SNTG2: variants seen among roughly 807,000 people sequenced by gnomAD.
The protein encoded by SNTG2 is syntrophin gamma 2, also known as gamma-2-syntrophin.
Under a neutral mutation model 70.9 loss-of-function variants are expected in SNTG2, and 74 were observed. The ratio of observed to expected loss-of-function variants is 1.04; its 90% CI spans 0.86 to 1.27. SNTG2 has a LOEUF of 1.27. Ranked by LOEUF, SNTG2 falls within the 50% of genes most tolerant of loss-of-function variation. The pLI is 0.00. For synonymous variants in SNTG2, 278 were observed against 273.8 expected, an observed-to-expected ratio of 1.02 and a Z score of -0.15; for missense variants, 717 against 690.7, an observed-to-expected ratio of 1.04 and a Z score of -0.43.
rs1201483236 is a variant in SNTG2 at position 1,237,949 on chromosome 2, A to G, written c.781A>G (p.Thr261Ala). The G allele has an allele frequency of 3.1e-6, 5 of 1,609,224 alleles. No individual in the cohort carries two copies. The African/African-American group carries it at 6.7e-5, about 22-fold the overall frequency. The part of the protein sequence containing the change: ...GVSSGILRFY[T>A]AQDGTDWLRA... ...CAGCTCTGGGATCCTCCGGTTTTAC[A>G]CAGCCCAGGATGGCACCGACTGGCT... The change falls in exon 10 of 17, where the codon ACA (threonine) becomes GCA (alanine). Residue 261 changes from threonine to alanine, a missense_variant. Physicochemically the swap from Thr to Ala is moderately conservative, Grantham distance 58. Coordinates refer to ENST00000308624, the MANE Select transcript of SNTG2 (RefSeq NM_018968.4).
chr2:1,239,634 T>A, intron 10 of SNTG2, 104 bp from the exon 11 acceptor site: 1 of 1,216,664 alleles, frequency 8.2e-7, no homozygotes. Context: ...TAAAGAGGCC[T>A]GTTTCCCAGG....
intron 1 of SNTG2, among the ~76,000 whole-genome samples, chr2:1,080,118 A>G (rs144246245): frequency 1.6e-4 from 25 of 152,302 alleles, no homozygotes; most frequent in African/African-American, 5.1e-4. Flanking sequence ...GTCCTGGGCA[A>G]TGGTGTGGCT....
At position 959,785 on chromosome 2, in the gene SNTG2, C is replaced by A. The variant is rs187468424; in HGVS notation, c.72+8717C>A. 2.4e-4 allele frequency among the ~76,000 whole-genome samples: 36 copies of A among 151,318 alleles called. No individual in the cohort carries two copies. In the East Asian group the frequency reaches 7.0e-3, roughly 29 times the overall value. On this transcript the variant is annotated intron_variant, in intron 1 of 16. Coordinates refer to ENST00000308624, the MANE Select transcript of SNTG2 (RefSeq NM_018968.4). The stretch of plus-strand genomic sequence containing the variant: ...GTGATTTGAATCTTCCTATCCCCTT[C>A]TTTGGAGTAAATACATTTCCTTTAT...
At chr2:990,564 A>G (rs897312948) in intron 1 of SNTG2, among the ~76,000 whole-genome samples, 6 of 152,140 alleles carry the variant, frequency 3.9e-5, no homozygotes, top group African/African-American at 1.4e-4. Flanking sequence ...ATAATCTCCC[A>G]AAGACCCCAC....
intron 9 of SNTG2, among the ~76,000 whole-genome samples, chr2:1,226,311 C>G (rs111987665): frequency 6.6e-6 from 1 of 152,200 alleles, no homozygotes; most frequent in African/African-American, 2.4e-5. Context: ...TTCTCAAAAA[C>G]GGGATGATTG....
chr2:1,286,061 A>T (rs906461788), intron 14 of SNTG2, among the ~76,000 whole-genome samples: 4 of 152,224 alleles, frequency 2.6e-5, no homozygotes, highest in Admixed American at 2.0e-4. Flanking sequence ...TAAAGTTAGG[A>T]GAAGCCCAAA....
intron 4 of SNTG2, among the ~76,000 whole-genome samples, chr2:1,103,242 T>C (rs1397864164): frequency 6.6e-6 from 1 of 152,196 alleles, no homozygotes; most frequent in Admixed American, 6.5e-5. Flanking sequence ...TATAATTATT[T>C]TTATTGTGTT....
At chr2:1,048,985 T>C (rs1243114063) in intron 1 of SNTG2, among the ~76,000 whole-genome samples, 1 of 152,180 alleles carries the variant, frequency 6.6e-6, no homozygotes, top group Non-Finnish European at 1.5e-5. Flanking sequence ...TTGGGTATTA[T>C]ACATTTTAAT....
chr2:1,099,026 C>T (rs1023911998), intron 4 of SNTG2, among the ~76,000 whole-genome samples: 1 of 152,214 alleles, frequency 6.6e-6, no homozygotes, highest in Admixed American at 6.5e-5. Flanking sequence ...ATTCCACTAT[C>T]GGGTAGACTG....
chr2:1,109,335 G>T (rs928149615), intron 4 of SNTG2, among the ~76,000 whole-genome samples: 1 of 152,010 alleles, frequency 6.6e-6, no homozygotes, highest in South Asian at 2.1e-4. Flanking sequence ...TTTCGAAACC[G>T]AAGCCAGGCT....
chr2:1,162,571 G>A (rs896414120), intron 6 of SNTG2, among the ~76,000 whole-genome samples: 1 of 152,268 alleles, frequency 6.6e-6, no homozygotes, highest in African/African-American at 2.4e-5. Flanking sequence ...GCGGAGGTCT[G>A]TGTGATCTCC....
At chr2:1,038,344 T>G (rs1382627379) in intron 1 of SNTG2, among the ~76,000 whole-genome samples, 1 of 152,224 alleles carries the variant, frequency 6.6e-6, no homozygotes, top group Non-Finnish European at 1.5e-5. Flanking sequence ...GTTTCTACTT[T>G]CAGACTGGCA....
intron 4 of SNTG2, among the ~76,000 whole-genome samples, chr2:1,129,795 A>C (rs907698030): frequency 6.6e-6 from 1 of 152,244 alleles, no homozygotes; most frequent in African/African-American, 2.4e-5. Context: ...TCAATAATAC[A>C]TCATTGCAAA....
intron 2 of SNTG2, among the ~76,000 whole-genome samples, chr2:1,092,878 G>C (rs10460596): frequency 6.6e-6 from 1 of 151,960 alleles, no homozygotes; most frequent in African/African-American, 2.4e-5. Flanking sequence ...TTAATTAAAT[G>C]TCATAACATA....
intron 9 of SNTG2, among the ~76,000 whole-genome samples, chr2:1,232,243 A>G (rs956525149): frequency 1.3e-5 from 2 of 152,148 alleles, no homozygotes; most frequent in African/African-American, 2.4e-5. Flanking sequence ...TCTTGGACCT[A>G]TTGAACTTTT....
intron 16 of SNTG2, among the ~76,000 whole-genome samples, chr2:1,323,420 A>AC (rs917083964): frequency 4.0e-5 from 6 of 149,060 alleles, no homozygotes; most frequent in Admixed American, 6.7e-5. Flanking sequence ...CATGGTTGAG[A>AC]CCCCCCATAG....
chr2:1,091,768 C>CT (rs1307075947), intron 2 of SNTG2, among the ~76,000 whole-genome samples: 1 of 152,166 alleles, frequency 6.6e-6, no homozygotes, highest in Non-Finnish European at 1.5e-5. Context: ...TTTCAAAACT[C>CT]TAATCCCAGG....
intron 1 of SNTG2, 51 bp from the exon 2 acceptor site, chr2:1,083,467 C>A (rs1664476191): frequency 2.5e-6 from 4 of 1,607,600 alleles, no homozygotes; most frequent in Non-Finnish European, 3.4e-6. Context: ...ATCCCCACCC[C>A]TGGCTCCTGC....
intron 1 of SNTG2, among the ~76,000 whole-genome samples, chr2:962,227 C>T (rs931818414): frequency 6.6e-5 from 10 of 152,178 alleles, no homozygotes; most frequent in African/African-American, 2.4e-4. Flanking sequence ...GCACATGCCA[C>T]TATCCCGGCT....
Sources: allele counts gnomAD v4.1 joint callset (sites outside exome capture counted in the v4.1 genomes callset), GRCh38; gene constraint gnomAD v4.1.1; transcripts MANE v1.5; gene names NCBI Gene and HGNC (gene_info 2026-07-23, HGNC 2026-07-21).